DYTN: variants seen among roughly 807,000 people sequenced by gnomAD.
The protein encoded by DYTN is dystrotelin.
A neutral mutation model predicts 69.6 loss-of-function variants in DYTN; 75 were observed. The observed-to-expected ratio is 1.08, with a 90% confidence interval of 0.89 to 1.31. DYTN has a LOEUF of 1.31. Among genes scored for constraint, DYTN ranks in the 50% most tolerant of loss-of-function variants. The pLI is 0.00. For missense variants in DYTN, 726 were observed against 688.4 expected (o/e 1.05, Z -0.61); for synonymous variants, 252 against 249.1 (o/e 1.01, Z -0.11).
chr2:206,718,249 A>G lies in DYTN; in HGVS notation c.19+12T>C. 2 of 1,593,000 alleles carry G rather than the reference A, an allele frequency of 1.3e-6. No homozygotes were observed. Among genetic ancestry groups the G allele is most frequent in the African/African-American group, 1.3e-5 (1 of 74,316 alleles). Reference sequence around the variant, plus strand: ...TACAAACTATGCTCAGAAACTTGACAATAATACTCACCTTGTTTATCTGGA... The same window carrying G: ...TACAAACTATGCTCAGAAACTTGACGATAATACTCACCTTGTTTATCTGGA... On this transcript the variant is annotated intron_variant, in intron 1 of 11. Transcript: ENST00000452335.
chr2:206,718,340 T>C lies in DYTN; in HGVS notation c.-61A>G. ...GTCCCTGTAACTAGAAATGAACCAG[T>C]ATTTTAAGCAGAAGGTTTTGCAGCA... On this transcript the variant is annotated 5_prime_UTR_variant, in exon 1 of 12. The change creates a new upstream start codon in the 5' untranslated region. Coordinates refer to ENST00000452335, the MANE Select transcript of DYTN (RefSeq NM_001093730.1). The C allele has an allele frequency of 6.4e-7, 1 of 1,560,472 alleles. No homozygotes were observed. The highest frequency in any genetic ancestry group is 8.7e-7 in the Non-Finnish European group (1 of 1,147,266).
intron 9 of DYTN, chr2:206,687,041 G>A (rs1699819324): frequency 6.4e-6 from 1 of 155,438 alleles, no homozygotes; most frequent in South Asian, 2.0e-4. Flanking sequence ...CTGAATGTCT[G>A]ATAATAAGTC....
intron 11 of DYTN, among the ~76,000 whole-genome samples, chr2:206,653,188 G>T (rs544181078): frequency 1.3e-5 from 2 of 152,060 alleles, no homozygotes; most frequent in Non-Finnish European, 2.9e-5. Context: ...TTAAGACATC[G>T]TTTCTCAGGC....
intron 9 of DYTN, among the ~76,000 whole-genome samples, chr2:206,671,564 T>C (rs962833381): frequency 4.6e-5 from 7 of 152,236 alleles, no homozygotes; most frequent in African/African-American, 1.4e-4. Flanking sequence ...AAAATGACTG[T>C]ACTCTCATAA....
chr2:206,674,132 C>T (rs1699657393), intron 9 of DYTN, among the ~76,000 whole-genome samples: 2 of 151,960 alleles, frequency 1.3e-5, no homozygotes, highest in Admixed American at 1.3e-4. Flanking sequence ...TTAAATAGAC[C>T]AAAGGCTGAC....
Position 206,704,944 on chromosome 2 carries a change from C to A in DYTN, c.383-1G>T. On this transcript the variant is annotated splice_acceptor_variant, in intron 4 of 11. Coordinates refer to ENST00000452335, the MANE Select transcript of DYTN (RefSeq NM_001093730.1). LOFTEE classifies it high-confidence loss of function. ...TTTTCTGCATAGAGTTGAAAAAGAGCTAGACATGTAGGAGGAACAATCTTT... is the reference window on the plus strand; with the variant it reads ...TTTTCTGCATAGAGTTGAAAAAGAGATAGACATGTAGGAGGAACAATCTTT... 1.9e-6 allele frequency: 3 copies of A among 1,612,408 alleles called. No homozygotes were observed. Among genetic ancestry groups the A allele is most frequent in the Non-Finnish European group, 8.5e-7 (1 of 1,178,904 alleles).
rs372928510 is a variant in DYTN, at chr2:206,684,218, C to T, written c.980+8957G>A. Among the ~76,000 whole-genome samples the T allele has an allele frequency of 9.3e-4, 141 of 152,332 alleles. 2 individuals are homozygous for T. The highest frequency in any genetic ancestry group is 3.1e-3 in the African/African-American group (127 of 41,576). On this transcript the variant is annotated intron_variant, in intron 9 of 11. Transcript: ENST00000452335. Reference sequence around the variant, plus strand: ...TTCAAGAGCATCTATGTTCTTCCCTCCTCACCAGCAAAGGATGTTGCCATT... The same window carrying T: ...TTCAAGAGCATCTATGTTCTTCCCTTCTCACCAGCAAAGGATGTTGCCATT...
At chr2:206,716,495 C>T (rs568872579) in intron 1 of DYTN, among the ~76,000 whole-genome samples, 3 of 152,272 alleles carry the variant, frequency 2.0e-5, no homozygotes, top group South Asian at 4.1e-4. Flanking sequence ...ACATGTTTTC[C>T]TTTCTTTTTC....
Position 206,700,736 on chromosome 2 carries a change from A to T in DYTN, c.484-520T>A, listed in dbSNP as rs373508170. ...GTTTTAAGCCCTGCGTGCATTAGGTATTTGTCCTAATGCTCTCCCTTCCCT... is the reference window on the plus strand; with the variant it reads ...GTTTTAAGCCCTGCGTGCATTAGGTTTTTGTCCTAATGCTCTCCCTTCCCT... On this transcript the variant is annotated intron_variant, in intron 5 of 11. Transcript: ENST00000452335. 4.6e-5 allele frequency among the ~76,000 whole-genome samples: 7 copies of T among 151,846 alleles called. No homozygotes were observed. The East Asian group carries it at 7.7e-4, about 17-fold the overall frequency.
chr2:206,666,030 CT>C lies in DYTN; in HGVS notation c.981-2del. On this transcript the variant is annotated splice_acceptor_variant, in intron 9 of 11. Coordinates refer to ENST00000452335, the MANE Select transcript of DYTN (RefSeq NM_001093730.1). LOFTEE classifies it high-confidence loss of function. The stretch of plus-strand genomic sequence containing the variant: ...TTGGTTTAACTGTTTTTTAAGGAGC[CT>C]GAAAAGAGAACAGATTTGAGCGGTT... The C allele has an allele frequency of 6.2e-7, 1 of 1,613,252 alleles. No individual in the cohort carries two copies. The highest frequency in any genetic ancestry group is 8.5e-7 in the Non-Finnish European group (1 of 1,179,548).
At chr2:206,699,673 A>G in intron 7 of DYTN, 54 bp downstream of exon 7, 1 of 1,542,254 alleles carries the variant, frequency 6.5e-7, no homozygotes, top group Non-Finnish European at 8.7e-7. Flanking sequence ...TGCAGCTCCA[A>G]CTGTAGAACC....
At chr2:206,659,119 G>GAA (rs1266459201) in intron 11 of DYTN, among the ~76,000 whole-genome samples, 1 of 149,108 alleles carries the variant, frequency 6.7e-6, no homozygotes, top group Non-Finnish European at 1.5e-5. Flanking sequence ...GAGGTTTGTG[G>GAA]AACTTCTACA....
chr2:206,684,904 C>T (rs1248485184), intron 9 of DYTN, among the ~76,000 whole-genome samples: 1 of 152,120 alleles, frequency 6.6e-6, no homozygotes, highest in Admixed American at 6.6e-5. Context: ...ACAAATGACT[C>T]AGATAATAAG....
intron 10 of DYTN, among the ~76,000 whole-genome samples, chr2:206,664,559 G>T (rs991580623): frequency 9.2e-5 from 14 of 152,124 alleles, no homozygotes; most frequent in African/African-American, 3.1e-4. Context: ...TAGCCACGAG[G>T]TTGAGGCGGG....
At chr2:206,665,443 T>A (rs959603427) in intron 10 of DYTN, among the ~76,000 whole-genome samples, 2 of 151,586 alleles carry the variant, frequency 1.3e-5, no homozygotes, top group African/African-American at 4.8e-5. Context: ...TATTTAATTT[T>A]ATTTTATTAT....
intron 10 of DYTN, among the ~76,000 whole-genome samples, chr2:206,664,680 A>G (rs779700070): frequency 2.6e-5 from 4 of 152,202 alleles, no homozygotes; most frequent in Admixed American, 1.3e-4. Flanking sequence ...ATTTACATAC[A>G]TAAAAAACAG....
At chr2:206,666,131 G>C (rs13022891) in intron 9 of DYTN, 102 bp from the exon 10 acceptor site, 184,694 of 1,428,780 alleles carry the variant, frequency 0.13, 12,900 homozygotes, top group Non-Finnish European at 0.14. Context: ...GGGAAAAGAT[G>C]CTGGAAAACC....
chr2:206,710,632 T>A, intron 1 of DYTN, 34 bp from the exon 2 acceptor site: 1 of 1,478,140 alleles, frequency 6.8e-7, no homozygotes, highest in Non-Finnish European at 9.3e-7. Context: ...ATGAATAAAG[T>A]CTCTCTCATT....
intron 1 of DYTN, among the ~76,000 whole-genome samples, chr2:206,712,704 G>T (rs1039940212): frequency 1.3e-5 from 2 of 152,122 alleles, no homozygotes; most frequent in African/African-American, 4.8e-5. Context: ...CTTTCTCCAG[G>T]TGAACCACCT....
Sources: gnomAD v4.1 joint callset for allele counts (sites outside exome capture counted in the v4.1 genomes callset) on GRCh38, gnomAD v4.1.1 for gene constraint, MANE v1.5 for transcripts, NCBI Gene and HGNC (gene_info 2026-07-23, HGNC 2026-07-21) for gene names.